ERBB4: variants seen among roughly 807,000 people sequenced by gnomAD.
The protein encoded by ERBB4 is receptor tyrosine-protein kinase erbB-4.
A neutral mutation model predicts 158.0 loss-of-function variants in ERBB4; 42 were observed. That is an observed-to-expected ratio of 0.27 (90% confidence interval 0.21 to 0.34). The LOEUF (loss-of-function observed/expected upper bound fraction) is 0.34. ERBB4 is among the 10% of genes least tolerant of loss of function. ERBB4 has a pLI of 1.00. For synonymous variants in ERBB4, 583 were observed against 558.7 expected, an observed-to-expected ratio of 1.04 and a Z score of -0.61; for missense variants, 1,333 against 1,624.1, an observed-to-expected ratio of 0.82 and a Z score of 3.08.
intron 2 of ERBB4, among the ~76,000 whole-genome samples, chr2:212,010,518 C>T (rs2076360636): frequency 6.6e-6 from 1 of 152,076 alleles, no homozygotes; most frequent in Admixed American, 6.5e-5. Flanking sequence ...AGATCACATG[C>T]TTCTGAGGGA....
intron 2 of ERBB4, among the ~76,000 whole-genome samples, chr2:212,057,512 C>G (rs546443628): frequency 2.0e-5 from 3 of 152,078 alleles, no homozygotes; most frequent in African/African-American, 7.2e-5. Flanking sequence ...GATTCCAAAA[C>G]TGACCACATA....
chr2:212,295,386 A>G (rs756117383), intron 1 of ERBB4, among the ~76,000 whole-genome samples: 1 of 152,072 alleles, frequency 6.6e-6, no homozygotes, highest in African/African-American at 2.4e-5. Flanking sequence ...TGTTCAAATG[A>G]CACAGATTTT....
At chr2:212,328,830 T>C (rs1196648787) in intron 1 of ERBB4, among the ~76,000 whole-genome samples, 1 of 152,068 alleles carries the variant, frequency 6.6e-6, no homozygotes, top group Non-Finnish European at 1.5e-5. Context: ...AAAATTTAGT[T>C]TCATTTCCTT....
chr2:211,586,906 T>C (rs2125783896), intron 19 of ERBB4, among the ~76,000 whole-genome samples: 1 of 152,206 alleles, frequency 6.6e-6, no homozygotes, highest in Non-Finnish European at 1.5e-5. Flanking sequence ...AAATGATGTC[T>C]CCCAAGAAAA....
At chr2:211,631,627 T>C (rs187817263) in intron 16 of ERBB4, among the ~76,000 whole-genome samples, 1 of 152,314 alleles carries the variant, frequency 6.6e-6, no homozygotes, top group East Asian at 1.9e-4. Context: ...GCTTAAACAG[T>C]AGTAGTTGTG....
At chr2:212,140,966 C>CA (rs1363747922) in intron 1 of ERBB4, among the ~76,000 whole-genome samples, 5 of 150,492 alleles carry the variant, frequency 3.3e-5, no homozygotes, top group African/African-American at 1.2e-4. Context: ...ATTTGATATA[C>CA]AAAATTGTAT....
intron 20 of ERBB4, among the ~76,000 whole-genome samples, chr2:211,555,052 A>C (rs2067200338): frequency 6.6e-6 from 1 of 152,258 alleles, no homozygotes; most frequent in Admixed American, 6.5e-5. Flanking sequence ...TCAAGAAGGC[A>C]TATGGTATTA....
chr2:212,062,914 T>C (rs1280925078), intron 2 of ERBB4, among the ~76,000 whole-genome samples: 1 of 152,220 alleles, frequency 6.6e-6, no homozygotes, highest in Non-Finnish European at 1.5e-5. Flanking sequence ...TAAGTGTTAG[T>C]GTCCTTATGT....
intron 2 of ERBB4, among the ~76,000 whole-genome samples, chr2:211,972,778 G>A (rs2081491355): frequency 6.6e-6 from 1 of 152,138 alleles, no homozygotes; most frequent in African/African-American, 2.4e-5. Context: ...AGATTTAAAT[G>A]TAAAACTTGA....
chr2:211,682,011 T>C (rs1230918355), intron 12 of ERBB4, among the ~76,000 whole-genome samples: 1 of 150,984 alleles, frequency 6.6e-6, no homozygotes. Flanking sequence ...TAGTCATGGT[T>C]CTCCAGAAAA....
At chr2:212,026,761 A>T (rs1326959678) in intron 2 of ERBB4, among the ~76,000 whole-genome samples, 2 of 151,876 alleles carry the variant, frequency 1.3e-5, no homozygotes, top group African/African-American at 4.8e-5. Flanking sequence ...GCTGAAATTC[A>T]GTTCATTTAT....
chr2:212,501,360 A>T (rs1376203493), intron 1 of ERBB4, among the ~76,000 whole-genome samples: 1 of 152,164 alleles, frequency 6.6e-6, no homozygotes, highest in African/African-American at 2.4e-5. Flanking sequence ...TTAGAATGTA[A>T]ACTGATGATA....
chr2:211,763,087 G>A (rs185566925), intron 4 of ERBB4, among the ~76,000 whole-genome samples: 4 of 152,092 alleles, frequency 2.6e-5, no homozygotes, highest in African/African-American at 9.6e-5. Flanking sequence ...ACATGAGAAC[G>A]GTTTGGTCTG....
intron 1 of ERBB4, among the ~76,000 whole-genome samples, chr2:212,165,642 G>T (rs1042900355): frequency 1.3e-5 from 2 of 151,578 alleles, no homozygotes; most frequent in South Asian, 4.2e-4. Context: ...CATCCTTCCC[G>T]CATCTTTATA....
intron 1 of ERBB4, among the ~76,000 whole-genome samples, chr2:212,317,730 A>G (rs1456778500): frequency 6.6e-6 from 1 of 151,530 alleles, no homozygotes; most frequent in Admixed American, 6.6e-5. Flanking sequence ...GATAAATGTC[A>G]TGCCTCAAAG....
intron 1 of ERBB4, among the ~76,000 whole-genome samples, chr2:212,461,391 T>A (rs546055906): frequency 6.6e-6 from 1 of 152,160 alleles, no homozygotes; most frequent in Non-Finnish European, 1.5e-5. Flanking sequence ...GAAGGGGTCA[T>A]AAAAGATCAT....
At chr2:211,705,483 T>C in intron 9 of ERBB4, 92 bp from the exon 10 acceptor site, 1 of 901,198 alleles carries the variant, frequency 1.1e-6, no homozygotes, top group Non-Finnish European at 1.9e-6. Flanking sequence ...CAAATTTAAT[T>C]TTAATTAGCA....
chr2:212,368,652 G>T (rs2089978022), intron 1 of ERBB4, among the ~76,000 whole-genome samples: 1 of 152,092 alleles, frequency 6.6e-6, no homozygotes, highest in Non-Finnish European at 1.5e-5. Context: ...GGCTGAGGAA[G>T]TCATTTAATT....
chr2:211,412,815 G>T (rs1206716542), intron 25 of ERBB4, among the ~76,000 whole-genome samples: 2 of 151,806 alleles, frequency 1.3e-5, no homozygotes, highest in Non-Finnish European at 2.9e-5. Context: ...TTAGCCGAGT[G>T]TGGTGGCGTG....
Sources: gnomAD v4.1 joint callset for allele counts (sites outside exome capture counted in the v4.1 genomes callset) on GRCh38, gnomAD v4.1.1 for gene constraint, MANE v1.5 for transcripts, NCBI Gene and HGNC (gene_info 2026-07-23, HGNC 2026-07-21) for gene names.